Variants in SLC9A9 observed in about 807,000 individuals in gnomAD.
SLC9A9 encodes the protein solute carrier family 9 member A9.
Under a neutral mutation model 77.8 loss-of-function variants are expected in SLC9A9, and 62 were observed. The observed-to-expected ratio is 0.80, with a 90% CI of 0.65 to 0.98. SLC9A9 has a LOEUF of 0.98. Among genes scored for constraint, SLC9A9 ranks in the 50% least tolerant of loss-of-function variants. SLC9A9 has a pLI of 0.00. For synonymous variants in SLC9A9, 320 were observed against 283.5 expected (o/e 1.13, Z -1.29); for missense variants, 775 against 774.9 (o/e 1.00, Z 0.00).
At chr3:143,558,899 C>T (rs115776883) in intron 8 of SLC9A9, among the ~76,000 whole-genome samples, 182 of 152,126 alleles carry the variant, frequency 1.2e-3, no homozygotes, top group Middle Eastern at 6.8e-3. Flanking sequence ...GTGTCCCCAC[C>T]CAAATCTAAT....
chr3:143,452,131 A>G (rs1302329429), intron 12 of SLC9A9, among the ~76,000 whole-genome samples: 1 of 152,126 alleles, frequency 6.6e-6, no homozygotes, highest in Non-Finnish European at 1.5e-5. Flanking sequence ...TGTTAGAAAC[A>G]GGATATTTAT....
intron 4 of SLC9A9, among the ~76,000 whole-genome samples, chr3:143,768,178 G>C (rs1416626991): frequency 6.6e-6 from 1 of 151,964 alleles, no homozygotes; most frequent in Non-Finnish European, 1.5e-5. Context: ...CACATATCAG[G>C]GGCTCCTCAC....
intron 12 of SLC9A9, among the ~76,000 whole-genome samples, chr3:143,425,396 T>C (rs969791271): frequency 6.6e-6 from 1 of 151,594 alleles, no homozygotes; most frequent in Non-Finnish European, 1.5e-5. Context: ...TTTAAAAATA[T>C]ATATGTATGG....
intron 9 of SLC9A9, chr3:143,517,624 G>C (rs1364857915): frequency 3.8e-6 from 6 of 1,597,414 alleles, no homozygotes; most frequent in Non-Finnish European, 5.1e-6. Context: ...CAAGATCATG[G>C]GCTGCTTCTT....
At chr3:143,403,762 A>T (rs1420941108) in intron 12 of SLC9A9, among the ~76,000 whole-genome samples, 1 of 152,120 alleles carries the variant, frequency 6.6e-6, no homozygotes, top group African/African-American at 2.4e-5. Flanking sequence ...CAAGATTTTC[A>T]CTTTGTCTTT....
chr3:143,323,447 T>A (rs538251178), intron 14 of SLC9A9, among the ~76,000 whole-genome samples: 12 of 152,342 alleles, frequency 7.9e-5, no homozygotes, highest in African/African-American at 2.9e-4. Flanking sequence ...GGTCATCATC[T>A]TAAGTGGAAT....
At chr3:143,632,189 G>A (rs542471685) in intron 6 of SLC9A9, among the ~76,000 whole-genome samples, 1 of 152,306 alleles carries the variant, frequency 6.6e-6, no homozygotes, top group East Asian at 1.9e-4. Context: ...TCTTGAGAGT[G>A]TTTGCCCGAA....
At chr3:143,829,244 C>G (rs1287021432) in intron 2 of SLC9A9, among the ~76,000 whole-genome samples, 1 of 152,100 alleles carries the variant, frequency 6.6e-6, no homozygotes, top group Admixed American at 6.6e-5. Flanking sequence ...CAAACTTTTA[C>G]CCTACAAACT....
intron 9 of SLC9A9, among the ~76,000 whole-genome samples, chr3:143,528,442 C>T (rs953624884): frequency 6.6e-6 from 1 of 152,098 alleles, no homozygotes; most frequent in African/African-American, 2.4e-5. Context: ...TAAGAAAGTA[C>T]AGAAAGCAGA....
chr3:143,706,177 A>G (rs781176773), intron 4 of SLC9A9, among the ~76,000 whole-genome samples: 2 of 152,224 alleles, frequency 1.3e-5, no homozygotes, highest in Non-Finnish European at 2.9e-5. Context: ...TTTAAATAGT[A>G]CAAAACCCAA....
At chr3:143,282,000 A>C (rs111588429) in intron 14 of SLC9A9, among the ~76,000 whole-genome samples, 2 of 152,156 alleles carry the variant, frequency 1.3e-5, no homozygotes, top group African/African-American at 2.4e-5. Flanking sequence ...GCCTTTGCAA[A>C]TGCTGTTCCC....
chr3:143,706,014 G>A (rs962919753), intron 4 of SLC9A9, among the ~76,000 whole-genome samples: 1 of 152,182 alleles, frequency 6.6e-6, no homozygotes, highest in Admixed American at 6.5e-5. Flanking sequence ...GCAGACTTAA[G>A]AAAGGCTTTG....
intron 4 of SLC9A9, among the ~76,000 whole-genome samples, chr3:143,712,483 C>G (rs17650337): frequency 6.6e-6 from 1 of 151,988 alleles, no homozygotes; most frequent in East Asian, 1.9e-4. Flanking sequence ...AGCAATCTAC[C>G]GGGGGTAACA....
intron 13 of SLC9A9, among the ~76,000 whole-genome samples, chr3:143,376,452 G>A (rs2033182252): frequency 1.3e-5 from 2 of 152,188 alleles, no homozygotes; most frequent in Admixed American, 6.5e-5. Context: ...TTCACCATTT[G>A]TAAAATGGGA....
chr3:143,695,998 G>GTTGT (rs3055595), intron 4 of SLC9A9, among the ~76,000 whole-genome samples: 64,873 of 151,390 alleles, frequency 0.43, 13,996 homozygotes, highest in South Asian at 0.6. Context: ...ATTTGATGGG[G>GTTGT]TTATTTCTTG....
chr3:143,470,511 T>C lies in SLC9A9; in HGVS notation c.1316-3321A>G, dbSNP rs191662763. Among the ~76,000 whole-genome samples the C allele has an allele frequency of 2.3e-3, 348 of 149,380 alleles. 4 individuals carry two copies. Among genetic ancestry groups the C allele is most frequent in the Admixed American group, 0.019 (287 of 15,038 alleles). ...AAAAAAAAAGAAAAGAAAAAGAAAG[T>C]GAACTTTCAAATTTCTCCTTTCCTC... On this transcript the variant is annotated intron_variant, in intron 11 of 15. Transcript: ENST00000316549.
In SLC9A9 at chr3:143,817,274, G is replaced by A. The variant is rs527570149; in HGVS notation, c.378+14745C>T. On this transcript the variant is annotated intron_variant, in intron 2 of 15. Transcript: ENST00000316549. ...CGCCATTCTCCTGCCTCAGCCTCCC[G>A]AGTAGCTGGGACTACAGGCGCCCGC... 2.3e-4 allele frequency among the ~76,000 whole-genome samples: 35 copies of A among 149,898 alleles called. No homozygotes were observed. In the East Asian group the frequency reaches 2.9e-3, roughly 13 times the overall value.
At chr3:143,296,707 C>CT (rs1242670240) in intron 14 of SLC9A9, among the ~76,000 whole-genome samples, 1 of 152,126 alleles carries the variant, frequency 6.6e-6, no homozygotes, top group Non-Finnish European at 1.5e-5. Context: ...ATCTTTCTCT[C>CT]TTTTTTATAA....
intron 14 of SLC9A9, among the ~76,000 whole-genome samples, chr3:143,306,552 C>A (rs1435379710): frequency 6.6e-6 from 1 of 152,180 alleles, no homozygotes; most frequent in Admixed American, 6.5e-5. Context: ...AAGGCTAGGA[C>A]AATGTTCTTT....
Sources: gnomAD v4.1 joint callset for allele counts (sites outside exome capture counted in the v4.1 genomes callset) on GRCh38, gnomAD v4.1.1 for gene constraint, MANE v1.5 for transcripts, NCBI Gene and HGNC (gene_info 2026-07-23, HGNC 2026-07-21) for gene names.